ERAP2: variants seen among roughly 807,000 people sequenced by gnomAD.
The protein encoded by ERAP2 is endoplasmic reticulum aminopeptidase 2.
Under a neutral mutation model 111.1 loss-of-function variants are expected in ERAP2, and 118 were observed. The observed-to-expected ratio is 1.06, with a 90% confidence interval of 0.92 to 1.24. The LOEUF is 1.24. Among genes scored for constraint, ERAP2 ranks in the 50% most tolerant of loss-of-function variants. The pLI is 0.00. For synonymous variants in ERAP2, 410 were observed against 401.2 expected (o/e 1.02, Z -0.26); for missense variants, 1,131 against 1,125.8 (o/e 1.00, Z -0.07).
chr5:96,887,549 C>T (rs933092202), intron 4 of ERAP2, among the ~76,000 whole-genome samples: 5 of 152,112 alleles, frequency 3.3e-5, no homozygotes, highest in African/African-American at 7.2e-5. Context: ...ATCCTCCTGC[C>T]TTGGCCTCCC....
At chr5:96,910,049 G>T in intron 15 of ERAP2, 1 of 253,016 alleles carries the variant, frequency 4.0e-6, no homozygotes, top group South Asian at 6.7e-5. Flanking sequence ...GTGAATCACT[G>T]AGGTCAGGAG....
In ERAP2 at chr5:96,889,213, G is replaced by A. The variant is rs759168467; in HGVS notation, c.878G>A (p.Arg293Gln). 10 of 1,614,066 alleles carry A rather than the reference G, an allele frequency of 6.2e-6. No homozygotes were observed. The Admixed American group carries it at 1.0e-4, about 16-fold the overall frequency. ...TCCATCTATGCATCCCCAGACAAAC[G>A]GAATCAAACACATTATGCTTTGCAG... is the stretch of plus-strand genomic sequence containing the variant. ...KVSIYASPDK[R>Q]NQTHYALQAS... is the part of the protein sequence containing the mutation. Residue 293 changes from arginine (R) to glutamine (Q), a missense_variant, in exon 5 of 19, where the codon CGG becomes CAG. Arg to Gln is a conservative substitution (Grantham distance 43). Transcript: ENST00000437043.
chr5:96,914,312 T>C (rs1052130128), intron 17 of ERAP2, among the ~76,000 whole-genome samples: 1 of 152,228 alleles, frequency 6.6e-6, no homozygotes, highest in African/African-American at 2.4e-5. Context: ...ATATCATTAA[T>C]TCCTAGTTCC....
Position 96,891,485 on chromosome 5 carries a change from G to A in ERAP2, c.971-814G>A, listed in dbSNP as rs551108331. Among the ~76,000 whole-genome samples, 382 of 90,812 alleles carry A rather than the reference G, an allele frequency of 4.2e-3. 6 individuals are homozygous for A. The highest frequency in any genetic ancestry group is 0.038 in the Admixed American group (314 of 8,190). 59.6% of individuals were successfully genotyped at this position (90,812 alleles called of 152,430 possible). A position where few individuals can be genotyped will look rare whatever the true frequency, so the allele number is the denominator to read the frequency against. On this transcript the variant is annotated intron_variant, in intron 5 of 18. Coordinates refer to ENST00000437043, the MANE Select transcript of ERAP2 (RefSeq NM_022350.5). The stretch of plus-strand genomic sequence containing the variant: ...CACATATACAGGTATATATATATAT[G>A]TGTGTGTGTGTGTGTATATATATAT...
intron 2 of ERAP2, among the ~76,000 whole-genome samples, chr5:96,881,667 T>C (rs1340771043): frequency 1.3e-5 from 2 of 152,078 alleles, no homozygotes; most frequent in Non-Finnish European, 2.9e-5. Context: ...CCAGGCTCCT[T>C]CTGTCTTTCT....
chr5:96,886,473 G>A (rs554846852), intron 3 of ERAP2, among the ~76,000 whole-genome samples, 182 bp from the exon 4 acceptor site: 2 of 152,288 alleles, frequency 1.3e-5, no homozygotes, highest in Admixed American at 1.3e-4. Context: ...AGAGTGTTGG[G>A]GTAAAAGCAA....
At chr5:96,890,637 G>A (rs923243583) in intron 5 of ERAP2, among the ~76,000 whole-genome samples, 3 of 151,642 alleles carry the variant, frequency 2.0e-5, no homozygotes, top group African/African-American at 4.9e-5. Context: ...GTCCTTTTTC[G>A]CCTCTTGCCC....
rs3733905 is a variant in ERAP2, at chr5:96,883,857, C to T, written c.641C>T (p.Pro214Leu). Reference protein sequence around the residue: ...ARMAFPCFDEPLFKANFSIKI... With the variant: ...ARMAFPCFDELLFKANFSIKI... ...ATGGCTTTCCCTTGCTTTGATGAAC[C>T]GTTGTTCAAAGCCAACTTTTCAATC... Residue 214 changes from proline to leucine, a missense_variant, in exon 3 of 19, where the codon CCG becomes CTG. Pro to Leu is a moderately conservative substitution (Grantham distance 98). Coordinates refer to ENST00000437043, the MANE Select transcript of ERAP2 (RefSeq NM_022350.5). 0.011 allele frequency: 18,244 copies of T among 1,613,618 alleles called. 708 individuals are homozygous for T. The highest frequency in any genetic ancestry group is 0.095 in the East Asian group (4,263 of 44,800).
At chr5:96,912,398 A>G (rs1786899235) in intron 15 of ERAP2, among the ~76,000 whole-genome samples, 1 of 152,150 alleles carries the variant, frequency 6.6e-6, no homozygotes, top group African/African-American at 2.4e-5. Flanking sequence ...AGAGTAGGTT[A>G]AAATTTTATG....
chr5:96,886,845 A>G, intron 4 of ERAP2, 56 bp downstream of exon 4: 1 of 1,330,112 alleles, frequency 7.5e-7, no homozygotes, highest in Non-Finnish European at 9.7e-7. Flanking sequence ...GAGAGCAATG[A>G]ACTTTTGTTT....
rs929348578 is a variant in ERAP2 at position 96,918,796 on chromosome 5, G to A, written c.*1191G>A. 11 of 151,982 alleles carry A rather than the reference G, an allele frequency of 7.2e-5. No homozygotes were observed. The highest frequency in any genetic ancestry group is 4.2e-4 in the South Asian group (2 of 4,816). The allele number at this position is 151,982 out of a possible 1,614,324, so 9.4% of individuals were successfully genotyped here. A position where few individuals can be genotyped will look rare whatever the true frequency, so the allele number is the denominator to read the frequency against. On this transcript the variant is annotated 3_prime_UTR_variant, in exon 19 of 19. Coordinates refer to ENST00000437043, the MANE Select transcript of ERAP2 (RefSeq NM_022350.5). ...GAATTAGATTGTATTGTGTATTTTCGGTTAAATGATAATTGAATGTAAATA... is the reference window on the plus strand; with the variant it reads ...GAATTAGATTGTATTGTGTATTTTCAGTTAAATGATAATTGAATGTAAATA...
rs1936437867 is a variant in ERAP2 at position 96,915,781 on chromosome 5, T to A, written c.2739+12T>A. 1 of 1,582,136 alleles carries A rather than the reference T, an allele frequency of 6.3e-7. No individual in the cohort carries two copies. Among genetic ancestry groups the A allele is most frequent in the African/African-American group, 1.4e-5 (1 of 73,416 alleles). ...ATAAGTTGCAAGAGGTTTGTGACTT[T>A]CTGTTTTTAACAATTTCAAAATAAA... On this transcript the variant is annotated intron_variant, in intron 18 of 18. Coordinates refer to ENST00000437043, the MANE Select transcript of ERAP2 (RefSeq NM_022350.5).
chr5:96,898,345 A>C lies in ERAP2; in HGVS notation c.1503+1482A>C, dbSNP rs1014879053. ...AACTGATGTGTGATTTTGTGGTTAA[A>C]GAAACAAAATCCAACAATCAAAAAT... On this transcript the variant is annotated intron_variant, in intron 9 of 18. Transcript: ENST00000437043. 5.9e-5 allele frequency among the ~76,000 whole-genome samples: 9 copies of C among 152,224 alleles called. No homozygotes were observed. In the East Asian group the frequency reaches 1.7e-3, roughly 29 times the overall value.
chr5:96,878,108 T>C (rs1250571351), intron 1 of ERAP2, among the ~76,000 whole-genome samples: 1 of 152,188 alleles, frequency 6.6e-6, no homozygotes, highest in Non-Finnish European at 1.5e-5. Context: ...CCTAATTTTA[T>C]ATGTGTTGTA....
In ERAP2 at chr5:96,918,907, G is replaced by C. The variant is rs774702160; in HGVS notation, c.*1302G>C. On this transcript the variant is annotated 3_prime_UTR_variant, in exon 19 of 19. Coordinates refer to ENST00000437043, the MANE Select transcript of ERAP2 (RefSeq NM_022350.5). ...CCCCCCACCTCCTTCTTTTAAGGGCGCTTCTTGCTCTCTGAAATGCCCTGC... is the reference window on the plus strand; with the variant it reads ...CCCCCCACCTCCTTCTTTTAAGGGCCCTTCTTGCTCTCTGAAATGCCCTGC... 1.3e-5 allele frequency: 2 copies of C among 152,076 alleles called. No homozygotes were observed. The highest frequency in any genetic ancestry group is 2.9e-5 in the Non-Finnish European group (2 of 68,008). 9.4% of individuals were successfully genotyped at this position (152,076 alleles called of 1,614,324 possible).
In ERAP2 at chr5:96,879,965, T is replaced by C; in HGVS notation, c.280T>C (p.Ser94Pro). Residue 94 changes from serine to proline, a missense_variant, in exon 2 of 19, where the codon TCT becomes CCT. Physicochemically the swap from Ser to Pro is moderately conservative, Grantham distance 74 (BLOSUM62 -1). Coordinates refer to ENST00000437043, the MANE Select transcript of ERAP2 (RefSeq NM_022350.5). ...PNLTSLDFVA[S>P]EKIEVLVSNA... is the part of the protein sequence containing the mutation. ...TCTCACCTCTCTGGACTTTGTTGCA[T>C]CTGAGAAGATCGAAGTCTTGGTCAG... is the stretch of plus-strand genomic sequence containing the variant. 1 of 1,614,202 alleles carries C rather than the reference T, an allele frequency of 6.2e-7. No homozygotes were observed.
intron 13 of ERAP2, among the ~76,000 whole-genome samples, chr5:96,906,789 C>A (rs984975069): frequency 1.3e-5 from 2 of 152,132 alleles, no homozygotes; most frequent in African/African-American, 4.8e-5. Flanking sequence ...CCCAGTACTT[C>A]GTGAGGCCAA....
In ERAP2 at chr5:96,895,270, G is replaced by T; in HGVS notation, c.1150G>T (p.Glu384Ter). 6.8e-6 allele frequency: 11 copies of T among 1,612,050 alleles called. No individual in the cohort carries two copies. The highest frequency in any genetic ancestry group is 9.3e-6 in the Non-Finnish European group (11 of 1,178,824). ...GTGGTTTGGCAACCTGGTCACAATG[G>T]AATGGTGGAATGATATTTGGCTTAA... Reference protein sequence around the residue: ...HQWFGNLVTMEWWNDIWLKEG... With the variant: ...HQWFGNLVTM Residue 384 changes from glutamate to a stop codon, truncating the protein, a stop_gained, in exon 7 of 19, where the codon GAA (glutamate) becomes TAA (stop). Coordinates refer to ENST00000437043, the MANE Select transcript of ERAP2 (RefSeq NM_022350.5). LOFTEE classifies it high-confidence loss of function.
intron 9 of ERAP2, 115 bp from the exon 10 acceptor site, chr5:96,900,006 T>A (rs1785278709): frequency 1.6e-6 from 2 of 1,237,620 alleles, no homozygotes; most frequent in African/African-American, 3.0e-5. Flanking sequence ...TTATCATGTC[T>A]GGATGAATTA....
Sources: allele counts gnomAD v4.1 joint callset (sites outside exome capture counted in the v4.1 genomes callset), GRCh38; gene constraint gnomAD v4.1.1; transcripts MANE v1.5; gene names NCBI Gene and HGNC (gene_info 2026-07-23, HGNC 2026-07-21).